The following FHOD1 variants were observed in gnomAD, a reference collection of about 807,000 sequenced individuals.
FHOD1 encodes the protein formin homology 2 domain containing 1.
FHOD1 carries 89 observed loss-of-function variants against 111.6 expected under a neutral mutation model. That is an observed-to-expected ratio of 0.80 (90% CI 0.67 to 0.95). The LOEUF is 0.95. Ranked by LOEUF, FHOD1 falls within the 40% of genes least tolerant of loss-of-function variation. The pLI, the probability that FHOD1 is intolerant of heterozygous loss-of-function variation, is 0.00. For missense variants in FHOD1, 1,446 were observed against 1,554.2 expected, an observed-to-expected ratio of 0.93 and a Z score of 1.17; for synonymous variants, 618 against 639.0, an observed-to-expected ratio of 0.97 and a Z score of 0.50.
At chr16:67,236,516 G>C in intron 11 of FHOD1, 41 bp downstream of exon 11, 1 of 1,598,836 alleles carries the variant, frequency 6.3e-7, no homozygotes, top group South Asian at 1.1e-5. Context: ...GAGGGACAAT[G>C]GGAGAGAGGA....
At chr16:67,246,866 C>T (rs960212981) in intron 1 of FHOD1, 8 of 289,884 alleles carry the variant, frequency 2.8e-5, no homozygotes, top group African/African-American at 1.8e-4. Flanking sequence ...CCCAGCTCCG[C>T]CTCCAGGGTC....
In FHOD1 at chr16:67,231,747, T is replaced by C. The variant is rs147740113; in HGVS notation, c.2275A>G (p.Ile759Val). Residue 759 changes from isoleucine (I) to valine (V), a missense_variant, in exon 15 of 22, where the codon ATA becomes GTA. By Grantham distance (29) the Ile-to-Val change is conservative. Coordinates refer to ENST00000258201, the MANE Select transcript of FHOD1 (RefSeq NM_013241.3). The surrounding 1 kb of genome is among the most constrained non-coding windows in gnomAD (Gnocchi z 4.3). Reference sequence around the variant, plus strand: ...AAGTTCTCGGCTGGGCCCAGGGGTATGTCAGGGTTGGCCAGCTGGGCTTCC... The same window carrying C: ...AAGTTCTCGGCTGGGCCCAGGGGTACGTCAGGGTTGGCCAGCTGGGCTTCC... ...IEEAQLANPD[I>V]PLGPAENFLM... 522 of 1,614,002 alleles carry C rather than the reference T, an allele frequency of 3.2e-4. 3 individuals carry two copies. In the African/African-American group the frequency reaches 6.5e-3, roughly 20 times the overall value.
Position 67,232,059 on chromosome 16 carries a change from C to T in FHOD1, c.2182G>A (p.Val728Ile), listed in dbSNP as rs1339421086. 5 of 1,614,262 alleles carry T rather than the reference C, an allele frequency of 3.1e-6. No individual in the cohort carries two copies. Among genetic ancestry groups the T allele is most frequent in the Non-Finnish European group, 4.2e-6 (5 of 1,180,048 alleles). ...AALLNFDEFA[V>I]SKDGIEKLLT... is the part of the protein sequence containing the mutation. ...CTCACCTCAATGCCATCCTTGCTGA[C>T]AGCAAACTCATCAAAGTTGAGCAGA... is the stretch of plus-strand genomic sequence containing the variant. The change falls in exon 14 of 22, where the codon GTC (valine) becomes ATC (isoleucine). Residue 728 changes from valine to isoleucine, a missense_variant. This residue lies in a region of FHOD1 where 1,085 missense variants were observed against 1,108.8 expected (regional missense o/e 0.98). Coordinates refer to ENST00000258201, the MANE Select transcript of FHOD1 (RefSeq NM_013241.3).
In FHOD1 at chr16:67,237,598, G is replaced by T; in HGVS notation, c.755-29C>A. 6.2e-7 allele frequency: 1 copy of T among 1,613,626 alleles called. No individual in the cohort carries two copies. The highest frequency in any genetic ancestry group is 1.3e-5 in the African/African-American group (1 of 75,046). ...CCACACAGAAAGTGGAGCAGTCATG[G>T]GGGAACAGGTAGGAGAGAGGGCTCT... On this transcript the variant is annotated intron_variant, in intron 7 of 21. Transcript: ENST00000258201. This position sits in a 1 kb window ranked among gnomAD's most constrained non-coding sequence, Gnocchi z 5.6.
In FHOD1 at chr16:67,230,668, G is replaced by A. The variant is rs1397050571; in HGVS notation, c.2791C>T (p.His931Tyr). Residue 931 changes from histidine to tyrosine, a missense_variant, in exon 18 of 22, where the codon CAC (histidine) becomes TAC (tyrosine). This residue lies in a region of FHOD1 where 1,085 missense variants were observed against 1,108.8 expected (regional missense o/e 0.98). Coordinates refer to ENST00000258201, the MANE Select transcript of FHOD1 (RefSeq NM_013241.3). The part of the protein sequence containing the change: ...LAPALRARLT[H>Y]FLDQCARRVA... ...CGGCGGGCACACTGGTCCAGGAAGT[G>A]GGTGAGGCGGGCACGCAGGGCTGGG... 3.1e-6 allele frequency: 5 copies of A among 1,613,940 alleles called. No homozygotes were observed. Among genetic ancestry groups the A allele is most frequent in the Non-Finnish European group, 4.2e-6 (5 of 1,179,980 alleles).
Position 67,232,069 on chromosome 16 carries a change from A to G in FHOD1, c.2172T>C (p.Asp724=). 2 of 1,614,224 alleles carry G rather than the reference A, an allele frequency of 1.2e-6. No individual in the cohort carries two copies. Among genetic ancestry groups the G allele is most frequent in the Non-Finnish European group, 1.7e-6 (2 of 1,180,034 alleles). Residue 724 remains aspartate (D), a synonymous_variant, in exon 14 of 22, where the codon GAT becomes GAC. Coordinates refer to ENST00000258201, the MANE Select transcript of FHOD1 (RefSeq NM_013241.3). ...HVIKAALLNF[D]EFAVSKDGIE... is the part of the protein sequence containing the mutation. Reference sequence around the variant, plus strand: ...TGCCATCCTTGCTGACAGCAAACTCATCAAAGTTGAGCAGAGCAGCCTTAA... The same window carrying G: ...TGCCATCCTTGCTGACAGCAAACTCGTCAAAGTTGAGCAGAGCAGCCTTAA...
rs137860084 is a variant in FHOD1 at position 67,230,603 on chromosome 16, A to G, written c.2856T>C (p.Asn952=). 195 of 1,614,104 alleles carry G rather than the reference A, an allele frequency of 1.2e-4. No homozygotes were observed. In the African/African-American group the frequency reaches 2.2e-3, roughly 18 times the overall value. The change falls in exon 18 of 22, where the codon AAT becomes AAC. Residue 952 remains asparagine (N), a splice_region_variant and synonymous_variant. Transcript: ENST00000258201. ...MLRIVHRRVC[N]RFHAFLLYLG... is the part of the protein sequence containing the mutation. ...CTCTCTTGGGTCCATGCCCCTACCTATTGCAGACACGGCGGTGCACTATCC... is the reference window on the plus strand; with the variant it reads ...CTCTCTTGGGTCCATGCCCCTACCTGTTGCAGACACGGCGGTGCACTATCC...
At chr16:67,230,549 T>C in intron 18 of FHOD1, 43 bp from the exon 19 acceptor site, 1 of 1,613,392 alleles carries the variant, frequency 6.2e-7, no homozygotes, top group Non-Finnish European at 8.5e-7. Context: ...TCCTGCTTAT[T>C]GTCTGAGGGA....
rs1186229148 is a variant in FHOD1, at chr16:67,241,114, A to ACCCCCCCCCC, written c.202-1670_202-1661dup. 2.4e-3 allele frequency among the ~76,000 whole-genome samples: 196 copies of ACCCCCCCCCC among 83,266 alleles called. 3 individuals are homozygous for ACCCCCCCCCC. Among genetic ancestry groups the ACCCCCCCCCC allele is most frequent in the Middle Eastern group, 6.8e-3 (1 of 146 alleles). The allele number at this position is 83,266 out of a possible 152,430, so 54.6% of individuals were successfully genotyped here. ...GTTTAGCCTGTGGGGCCCTTGGATG[A>ACCCCCCCCCC]CCCCCCCCCCCGCCCACCCCCGCCT... On this transcript the variant is annotated intron_variant, in intron 1 of 21. Coordinates refer to ENST00000258201, the MANE Select transcript of FHOD1 (RefSeq NM_013241.3).
intron 1 of FHOD1, chr16:67,246,943 G>A (rs2034867756): frequency 2.1e-6 from 1 of 472,106 alleles, no homozygotes; most frequent in Non-Finnish European, 3.7e-6. Context: ...GACGGCGAGT[G>A]GAACTCGAGC....
chr16:67,238,737 C>T lies in FHOD1; in HGVS notation c.373+166G>A. 1 of 705,380 alleles carries T rather than the reference C, an allele frequency of 1.4e-6. No individual in the cohort carries two copies. Among genetic ancestry groups the T allele is most frequent in the African/African-American group, 1.8e-5 (1 of 56,570 alleles). The allele number at this position is 705,380 out of a possible 1,614,324, so 43.7% of individuals were successfully genotyped here. Reference sequence around the variant, plus strand: ...TGGTCTATTCTAACATTCTTGAATCCCCCTCCACTCCCACCATGGCCCTGG... The same window carrying T: ...TGGTCTATTCTAACATTCTTGAATCTCCCTCCACTCCCACCATGGCCCTGG... On this transcript the variant is annotated intron_variant, in intron 3 of 21. Coordinates refer to ENST00000258201, the MANE Select transcript of FHOD1 (RefSeq NM_013241.3). This position sits in a 1 kb window ranked among gnomAD's most constrained non-coding sequence, Gnocchi z 4.2.
In FHOD1 at chr16:67,247,280, C is replaced by A. The variant is rs761530842; in HGVS notation, c.131G>T (p.Ser44Ile). Residue 44 changes from serine to isoleucine, a missense_variant, in exon 1 of 22, where the codon AGC (serine) becomes ATC (isoleucine). This residue lies in a region of FHOD1 where 127 missense variants were observed against 118.0 expected (regional missense o/e 1.08). Transcript: ENST00000258201. ...GCCCAAGGGCAGCGCCCCGTCCAGG[C>A]TGCAGGTGGGGGCCCGGCGCGGCTC... ...FPEPRRAPTC[S>I]LDGALPLGAQ... is the part of the protein sequence containing the mutation. 11 of 1,612,696 alleles carry A rather than the reference C, an allele frequency of 6.8e-6. No individual in the cohort carries two copies. The highest frequency in any genetic ancestry group is 6.8e-6 in the Non-Finnish European group (8 of 1,179,602).
rs764116221 is a variant in FHOD1 at position 67,234,201 on chromosome 16, G to T, written c.1502C>A (p.Pro501His). The T allele has an allele frequency of 3.2e-6, 5 of 1,546,434 alleles. No individual in the cohort carries two copies. The highest frequency in any genetic ancestry group is 3.8e-5 in the Admixed American group (2 of 52,060). The change falls in exon 13 of 22, where the codon CCC (proline) becomes CAC (histidine). Residue 501 changes from proline (P) to histidine (H), a missense_variant. Physicochemically the swap from Pro to His is moderately conservative, Grantham distance 77 (BLOSUM62 -2). Transcript: ENST00000258201. ...TCGCTGGGCCCGGAGCAGGACACAG[G>T]GGGCAGGGCTCTGGGGTGTTCTGGC... ...PAARTPQSPAPCVLLRAQRSL... is the reference protein window; with the variant it reads ...PAARTPQSPAHCVLLRAQRSL...
rs1462432331 is a variant in FHOD1 at position 67,234,131 on chromosome 16, G to A, written c.1572C>T (p.Pro524=). 1 of 1,571,552 alleles carries A rather than the reference G, an allele frequency of 6.4e-7. No homozygotes were observed. Among genetic ancestry groups the A allele is most frequent in the African/African-American group, 1.4e-5 (1 of 73,720 alleles). The stretch of plus-strand genomic sequence containing the variant: ...GGAGCTCCCAGATGGGCTCAGCCTT[G>A]GGGCTTGCTGGTATCAGTGGCTCCT... ...EPKEPLIPAS[P]KAEPIWELPT... is the part of the protein sequence containing the mutation. Residue 524 remains proline (P), a synonymous_variant, in exon 13 of 22, where the codon CCC becomes CCT. Coordinates refer to ENST00000258201, the MANE Select transcript of FHOD1 (RefSeq NM_013241.3).
Position 67,238,779 on chromosome 16 carries a change from A to G in FHOD1, c.373+124T>C. ...TGGCCCTGGAAGAAGAGGTCAGGAT[A>G]GGGAGAGGAAGGAGCACATACAGCT... On this transcript the variant is annotated intron_variant, in intron 3 of 21. Coordinates refer to ENST00000258201, the MANE Select transcript of FHOD1 (RefSeq NM_013241.3). The surrounding 1 kb of genome is among the most constrained non-coding windows in gnomAD (Gnocchi z 4.2). 1 of 897,014 alleles carries G rather than the reference A, an allele frequency of 1.1e-6. No individual in the cohort carries two copies. Among genetic ancestry groups the G allele is most frequent in the South Asian group, 1.4e-5 (1 of 71,106 alleles). 55.6% of individuals were successfully genotyped at this position (897,014 alleles called of 1,614,324 possible).
At chr16:67,230,539 T>A in intron 18 of FHOD1, 33 bp from the exon 19 acceptor site, 2 of 1,613,386 alleles carry the variant, frequency 1.2e-6, no homozygotes, top group Non-Finnish European at 1.7e-6. Flanking sequence ...GGACAGTAAG[T>A]CCTGCTTATT....
At chr16:67,241,114 A>ACCCCCCCCCCCCCCCC (rs1186229148) in intron 1 of FHOD1, among the ~76,000 whole-genome samples, 10 of 83,314 alleles carry the variant, frequency 1.2e-4, no homozygotes, top group African/African-American at 5.6e-4. Context: ...CCCTTGGATG[A>ACCCCCCCCCCCCCCCC]CCCCCCCCCC....
rs368067896 is a variant in FHOD1 at position 67,237,306 on chromosome 16, A to C, written c.926T>G (p.Leu309Arg). The change falls in exon 9 of 22, where the codon CTG becomes CGG. Residue 309 changes from leucine (L) to arginine (R), a missense_variant. Physicochemically the swap from Leu to Arg is moderately radical, Grantham distance 102. Transcript: ENST00000258201. This position sits in a 1 kb window ranked among gnomAD's most constrained non-coding sequence, Gnocchi z 5.6. ...DALEQQGMEA[L>R]VQRHLGTAGT... ...CGCAGTGCCCAGGTGGCGCTGGACC[A>C]GCGCTTCCATGCCCTGCTGCTCCAG... 3.3e-5 allele frequency: 54 copies of C among 1,613,920 alleles called. No homozygotes were observed. The highest frequency in any genetic ancestry group is 4.2e-5 in the Non-Finnish European group (50 of 1,180,046).
intron 1 of FHOD1, among the ~76,000 whole-genome samples, chr16:67,240,954 C>T (rs1439804259): frequency 6.6e-6 from 1 of 152,212 alleles, no homozygotes; most frequent in African/African-American, 2.4e-5. Flanking sequence ...CTGCCCTCTT[C>T]TGGACCCTGC....
Sources: gnomAD v4.1 joint callset for allele counts (sites outside exome capture counted in the v4.1 genomes callset) on GRCh38, gnomAD v4.1.1 for gene constraint, gnomAD v4.1.1 regional missense constraint, Gnocchi (gnomAD v3.1) non-coding constraint, MANE v1.5 for transcripts, NCBI Gene and HGNC (gene_info 2026-07-23, HGNC 2026-07-21) for gene names.